The following RHOT1 variants were observed in gnomAD, a reference collection of about 807,000 sequenced individuals.
The protein encoded by RHOT1 is mitochondrial Rho GTPase 1.
A neutral mutation model predicts 95.3 loss-of-function variants in RHOT1; 27 were observed. The observed-to-expected ratio is 0.28, with a 90% CI of 0.21 to 0.39. The LOEUF (loss-of-function observed/expected upper bound fraction) is 0.39. Among genes scored for constraint, RHOT1 ranks in the 10% least tolerant of loss-of-function variants. The pLI, the probability that RHOT1 is intolerant of heterozygous loss-of-function variation, is 1.00. For missense variants in RHOT1, 578 were observed against 786.7 expected (o/e 0.73, Z 3.17); for synonymous variants, 227 against 263.5 (o/e 0.86, Z 1.34).
In RHOT1 at chr17:32,189,736, C is replaced by CTT. The variant is rs71362807; in HGVS notation, c.541-2448_541-2447dup. ...ACAACAATATCTTTTCTTTTCTTTT[C>CTT]TTTTTTTTTTTTTTTTTTGAGATGG... On this transcript the variant is annotated intron_variant, in intron 8 of 19. Coordinates refer to ENST00000545287, the MANE Select transcript of RHOT1 (RefSeq NM_001033566.3). Among the ~76,000 whole-genome samples the CTT allele has an allele frequency of 3.0e-3, 369 of 124,346 alleles. 10 individuals carry two copies. Among genetic ancestry groups the CTT allele is most frequent in the African/African-American group, 8.4e-3 (266 of 31,746 alleles). 81.6% of individuals were successfully genotyped at this position (124,346 alleles called of 152,430 possible). A position where few individuals can be genotyped will look rare whatever the true frequency, so the allele number is the denominator to read the frequency against.
At position 32,208,143 on chromosome 17, in the gene RHOT1, G is replaced by A. The variant is rs761784342; in HGVS notation, c.1573G>A (p.Val525Ile). The change falls in exon 18 of 20, where the codon GTA becomes ATA. Residue 525 changes from valine (V) to isoleucine (I), a missense_variant. Transcript: ENST00000545287. ...FMDSRIPCLI[V>I]AAKSDLHEVK... ...GGACAGCAGAATACCTTGCTTAATCGTAGCTGCAAAGTCAGACCTGCATGA... is the reference window on the plus strand; with the variant it reads ...GGACAGCAGAATACCTTGCTTAATCATAGCTGCAAAGTCAGACCTGCATGA... The A allele has an allele frequency of 1.1e-5, 18 of 1,613,910 alleles. No homozygotes were observed. Among genetic ancestry groups the A allele is most frequent in the Admixed American group, 8.3e-5 (5 of 59,992 alleles).
At chr17:32,189,503 T>C (rs765882089) in intron 8 of RHOT1, among the ~76,000 whole-genome samples, 1 of 152,128 alleles carries the variant, frequency 6.6e-6, no homozygotes, top group Non-Finnish European at 1.5e-5. Context: ...TAATTGTTAC[T>C]TTGTTCTCGG....
chr17:32,190,805 CT>C (rs991974785), intron 8 of RHOT1, among the ~76,000 whole-genome samples: 1 of 151,704 alleles, frequency 6.6e-6, no homozygotes, highest in Non-Finnish European at 1.5e-5. Context: ...CAGATGCTTT[CT>C]TTTTTTTGAG....
intron 1 of RHOT1, chr17:32,143,185 T>G: frequency 2.1e-6 from 1 of 471,336 alleles, no homozygotes; most frequent in Non-Finnish European, 4.4e-6. Context: ...CCAATAGGGA[T>G]TGCGTGAACC....
At chr17:32,218,053 G>A (rs2038592057) in intron 19 of RHOT1, among the ~76,000 whole-genome samples, 3 of 151,564 alleles carry the variant, frequency 2.0e-5, no homozygotes, top group Non-Finnish European at 1.5e-5. Flanking sequence ...TAGTAGAGAC[G>A]GGTTTCACCA....
intron 1 of RHOT1, among the ~76,000 whole-genome samples, chr17:32,167,868 G>A (rs964599750): frequency 2.6e-5 from 4 of 151,758 alleles, no homozygotes; most frequent in Non-Finnish European, 4.4e-5. Context: ...GACCCTGTCC[G>A]TACAAAGAAT....
In RHOT1 at chr17:32,173,830, G is replaced by C; in HGVS notation, c.97-1G>C. Reference sequence around the variant, plus strand: ...TTTTCTATATTTGTTTGTAAATGAAGGTTCCTCCCCGGGCAGAAGAAATCA... The same window carrying C: ...TTTTCTATATTTGTTTGTAAATGAACGTTCCTCCCCGGGCAGAAGAAATCA... On this transcript the variant is annotated splice_acceptor_variant, in intron 2 of 19. Transcript: ENST00000545287. LOFTEE classifies it high-confidence loss of function. 1 of 1,590,152 alleles carries C rather than the reference G, an allele frequency of 6.3e-7. No individual in the cohort carries two copies. Among genetic ancestry groups the C allele is most frequent in the Non-Finnish European group, 8.6e-7 (1 of 1,167,384 alleles).
At chr17:32,219,982 C>T (rs2038725126) in intron 19 of RHOT1, among the ~76,000 whole-genome samples, 4 of 152,124 alleles carry the variant, frequency 2.6e-5, no homozygotes, top group African/African-American at 7.2e-5. Context: ...CATTTTTGAC[C>T]TTGTAACATT....
chr17:32,191,018 C>T (rs2036451389), intron 8 of RHOT1, among the ~76,000 whole-genome samples: 1 of 152,202 alleles, frequency 6.6e-6, no homozygotes, highest in Non-Finnish European at 1.5e-5. Flanking sequence ...TGGTCTCGAA[C>T]TCTTGATCTC....
intron 1 of RHOT1, among the ~76,000 whole-genome samples, chr17:32,148,327 T>G (rs182914332): frequency 1.8e-3 from 267 of 152,344 alleles, no homozygotes; most frequent in Admixed American, 2.5e-3. Flanking sequence ...TAAAAGAAGT[T>G]AAGCTGTCTT....
At chr17:32,184,097 C>T (rs948694551) in intron 8 of RHOT1, among the ~76,000 whole-genome samples, 3 of 152,190 alleles carry the variant, frequency 2.0e-5, no homozygotes, top group African/African-American at 7.2e-5. Context: ...ATCTCAAGTA[C>T]CTTAAAATTC....
chr17:32,144,407 G>T (rs1273985651), intron 1 of RHOT1, among the ~76,000 whole-genome samples: 2 of 152,112 alleles, frequency 1.3e-5, no homozygotes, highest in Admixed American at 1.3e-4. Flanking sequence ...AATTAGCCGG[G>T]TGTGGTGGCA....
intron 19 of RHOT1, among the ~76,000 whole-genome samples, chr17:32,222,189 C>T (rs995902053): frequency 6.6e-6 from 1 of 152,184 alleles, no homozygotes; most frequent in Non-Finnish European, 1.5e-5. Flanking sequence ...CCTTTACCTA[C>T]GCTCTGACTT....
intron 11 of RHOT1, among the ~76,000 whole-genome samples, chr17:32,196,317 A>G (rs561153643): frequency 1.3e-5 from 2 of 152,072 alleles, no homozygotes; most frequent in East Asian, 3.8e-4. Flanking sequence ...CAGCCTGCCA[A>G]GTAGCTGGGA....
At chr17:32,180,387 G>A (rs2035528485) in intron 6 of RHOT1, among the ~76,000 whole-genome samples, 1 of 152,052 alleles carries the variant, frequency 6.6e-6, no homozygotes, top group East Asian at 1.9e-4. Context: ...AACATGTGCT[G>A]TGTCAACTCA....
intron 6 of RHOT1, among the ~76,000 whole-genome samples, chr17:32,178,602 C>T (rs969416961): frequency 2.0e-5 from 3 of 152,206 alleles, no homozygotes; most frequent in Non-Finnish European, 2.9e-5. Context: ...AGCCTCTGCC[C>T]GCCCGCCACC....
intron 16 of RHOT1, among the ~76,000 whole-genome samples, chr17:32,206,666 G>A (rs1042296301): frequency 6.6e-6 from 1 of 151,862 alleles, no homozygotes; most frequent in Admixed American, 6.6e-5. Context: ...TGTTGGCCAT[G>A]CTGGTCTCGA....
At chr17:32,143,753 G>A (rs370895378) in intron 1 of RHOT1, among the ~76,000 whole-genome samples, 3 of 152,224 alleles carry the variant, frequency 2.0e-5, no homozygotes, top group African/African-American at 7.2e-5. Context: ...TGGATTGTTT[G>A]TTTTAAAGAG....
chr17:32,165,920 C>T (rs2034037172), intron 1 of RHOT1, among the ~76,000 whole-genome samples: 1 of 152,002 alleles, frequency 6.6e-6, no homozygotes, highest in African/African-American at 2.4e-5. Context: ...TGTGGTGGTG[C>T]ATGCCTGTAA....
Sources: gnomAD v4.1 joint callset for allele counts (sites outside exome capture counted in the v4.1 genomes callset) on GRCh38, gnomAD v4.1.1 for gene constraint, MANE v1.5 for transcripts, NCBI Gene and HGNC (gene_info 2026-07-23, HGNC 2026-07-21) for gene names.